SLC13A1: variants seen among roughly 807,000 people sequenced by gnomAD.
SLC13A1 encodes Na(+)/sulfate cotransporter.
A neutral mutation model predicts 70.0 loss-of-function variants in SLC13A1; 65 were observed. That is an observed-to-expected ratio of 0.93 (90% CI 0.76 to 1.14). SLC13A1 has a LOEUF of 1.14. Ranked by LOEUF, SLC13A1 falls within the 50% of genes most tolerant of loss-of-function variation. SLC13A1 has a pLI of 0.00. For synonymous variants in SLC13A1, 275 were observed against 250.5 expected, an observed-to-expected ratio of 1.10 and a Z score of -0.92; for missense variants, 726 against 717.8, an observed-to-expected ratio of 1.01 and a Z score of -0.13.
chr7:123,144,060 T>C (rs941390394), intron 7 of SLC13A1, among the ~76,000 whole-genome samples: 1 of 152,140 alleles, frequency 6.6e-6, no homozygotes, highest in Non-Finnish European at 1.5e-5. Flanking sequence ...AGAAAAGATG[T>C]CATATGTTGA....
At chr7:123,173,555 G>A (rs1022076677) in intron 2 of SLC13A1, among the ~76,000 whole-genome samples, 1 of 138,902 alleles carries the variant, frequency 7.2e-6, no homozygotes, top group African/African-American at 2.7e-5. Context: ...TCAAATATCA[G>A]GCCTTTCTAA....
chr7:123,122,172 T>C (rs148723955), intron 12 of SLC13A1, among the ~76,000 whole-genome samples: 4 of 152,000 alleles, frequency 2.6e-5, no homozygotes, highest in African/African-American at 9.6e-5. Flanking sequence ...TGCAGAAAAA[T>C]TGTCAATAAA....
At chr7:123,125,526 G>A (rs766398188) in intron 11 of SLC13A1, 43 bp downstream of exon 11, 2 of 1,387,924 alleles carry the variant, frequency 1.4e-6, no homozygotes, top group Non-Finnish European at 2.0e-6. Flanking sequence ...TGTAATTTTT[G>A]CTCTTCTGTT....
intron 7 of SLC13A1, among the ~76,000 whole-genome samples, chr7:123,146,720 A>G (rs1156282355): frequency 1.3e-5 from 2 of 152,134 alleles, no homozygotes; most frequent in African/African-American, 4.8e-5. Flanking sequence ...TCAATCTTTC[A>G]AATCTTTTTT....
intron 6 of SLC13A1, among the ~76,000 whole-genome samples, chr7:123,156,234 T>A (rs781014435): frequency 7.2e-4 from 110 of 152,174 alleles, no homozygotes; most frequent in Non-Finnish European, 1.5e-3. Flanking sequence ...ATGATTTTGC[T>A]GTCATGTCTT....
chr7:123,164,049 A>C (rs1188487703), intron 6 of SLC13A1, among the ~76,000 whole-genome samples: 1 of 152,042 alleles, frequency 6.6e-6, no homozygotes, highest in Admixed American at 6.6e-5. Context: ...AATAAAAATT[A>C]AGCAAATTAT....
intron 1 of SLC13A1, among the ~76,000 whole-genome samples, chr7:123,184,604 G>C (rs1481622126): frequency 6.6e-6 from 1 of 151,854 alleles, no homozygotes; most frequent in African/African-American, 2.4e-5. Context: ...TTTTATGGCT[G>C]AATAGTATTT....
intron 12 of SLC13A1, among the ~76,000 whole-genome samples, chr7:123,120,182 G>T (rs1793328344): frequency 6.6e-6 from 1 of 151,870 alleles, no homozygotes; most frequent in Admixed American, 6.6e-5. Context: ...ATAATATTAT[G>T]ACGTTCCTTC....
At chr7:123,123,904 T>A (rs1053079091) in intron 11 of SLC13A1, among the ~76,000 whole-genome samples, 1 of 152,154 alleles carries the variant, frequency 6.6e-6, no homozygotes, top group Non-Finnish European at 1.5e-5. Flanking sequence ...ATTTAACTTG[T>A]GTATAACAGG....
intron 6 of SLC13A1, among the ~76,000 whole-genome samples, chr7:123,155,517 C>T (rs1794680655): frequency 6.6e-6 from 1 of 151,932 alleles, no homozygotes. Context: ...CTGTTTCCCG[C>T]AAATTGCTCT....
At chr7:123,195,118 C>T (rs1796136957) in intron 1 of SLC13A1, among the ~76,000 whole-genome samples, 1 of 152,100 alleles carries the variant, frequency 6.6e-6, no homozygotes, top group Admixed American at 6.6e-5. Flanking sequence ...TGGCACAACA[C>T]TTTGGGCTGG....
Position 123,125,568 on chromosome 7 carries a change from C to A in SLC13A1, c.1240+1G>T. On this transcript the variant is annotated splice_donor_variant, in intron 11 of 14. Coordinates refer to ENST00000194130, the MANE Select transcript of SLC13A1 (RefSeq NM_022444.4). LOFTEE classifies it high-confidence loss of function. Reference sequence around the variant, plus strand: ...ATGCAGAATTATAAATGATACTCAACCAATTTCTCCTGTAGGTGTAGTTTT... The same window carrying A: ...ATGCAGAATTATAAATGATACTCAAACAATTTCTCCTGTAGGTGTAGTTTT... 6.3e-7 allele frequency: 1 copy of A among 1,592,628 alleles called. No homozygotes were observed. Among genetic ancestry groups the A allele is most frequent in the Non-Finnish European group, 8.6e-7 (1 of 1,167,244 alleles).
chr7:123,171,843 G>A lies in SLC13A1; in HGVS notation c.290C>T (p.Thr97Ile). ...GTGCAAATTCCATTTTTCTATGGAT[G>A]TTGCTAAACAGATAACTCCAATTAG... is the stretch of plus-strand genomic sequence containing the variant. ...LLLIGVICLATSIEKWNLHKR... is the reference protein window; with the variant it reads ...LLLIGVICLAISIEKWNLHKR... Residue 97 changes from threonine (T) to isoleucine (I), a missense_variant, in exon 3 of 15, where the codon ACA (threonine) becomes ATA (isoleucine). Physicochemically the swap from Thr to Ile is moderately conservative, Grantham distance 89. Transcript: ENST00000194130. 6.2e-7 allele frequency: 1 copy of A among 1,612,846 alleles called. No individual in the cohort carries two copies. The highest frequency in any genetic ancestry group is 1.1e-5 in the South Asian group (1 of 91,018).
chr7:123,147,238 C>A lies in SLC13A1; in HGVS notation c.733G>T (p.Ala245Ser), dbSNP rs1794387536. The A allele has an allele frequency of 6.2e-7, 1 of 1,613,516 alleles. No homozygotes were observed. Among genetic ancestry groups the A allele is most frequent in the African/African-American group, 1.3e-5 (1 of 74,892 alleles). ...VTRKLTCLCI[A>S]YSSTIGGLTT... The stretch of plus-strand genomic sequence containing the variant: ...AGTCCACCAATGGTAGAAGAGTAGG[C>A]AATGCACAAACACGTAAGTTTACGT... The change falls in exon 7 of 15, where the codon GCC becomes TCC. Residue 245 changes from alanine to serine, a missense_variant. Physicochemically the swap from Ala to Ser is moderately conservative, Grantham distance 99. Coordinates refer to ENST00000194130, the MANE Select transcript of SLC13A1 (RefSeq NM_022444.4).
chr7:123,128,167 G>A (rs1183349502), intron 10 of SLC13A1, among the ~76,000 whole-genome samples: 1 of 151,908 alleles, frequency 6.6e-6, no homozygotes, highest in Non-Finnish European at 1.5e-5. Context: ...CTATGAAATG[G>A]AGGCTGGGCT....
At chr7:123,187,565 G>C (rs1055232291) in intron 1 of SLC13A1, among the ~76,000 whole-genome samples, 1 of 152,102 alleles carries the variant, frequency 6.6e-6, no homozygotes, top group East Asian at 1.9e-4. Flanking sequence ...GTTAACTACT[G>C]TCTAGAATGT....
intron 6 of SLC13A1, chr7:123,148,328 C>T: frequency 6.0e-6 from 2 of 333,672 alleles, no homozygotes; most frequent in Non-Finnish European, 1.2e-5. Flanking sequence ...TTCAAATATC[C>T]TGGCCTCACA....
chr7:123,160,026 G>A (rs1245436630), intron 6 of SLC13A1, among the ~76,000 whole-genome samples: 1 of 152,032 alleles, frequency 6.6e-6, no homozygotes, highest in East Asian at 1.9e-4. Flanking sequence ...TGTCATGCCT[G>A]TAATCCCAGC....
intron 7 of SLC13A1, among the ~76,000 whole-genome samples, chr7:123,145,970 A>G (rs1472004778): frequency 6.6e-6 from 1 of 152,054 alleles, no homozygotes; most frequent in Non-Finnish European, 1.5e-5. Flanking sequence ...TTTTCTGTGA[A>G]CCCAAATCCT....
Sources: allele counts gnomAD v4.1 joint callset (sites outside exome capture counted in the v4.1 genomes callset), GRCh38; gene constraint gnomAD v4.1.1; transcripts MANE v1.5; gene names NCBI Gene and HGNC (gene_info 2026-07-23, HGNC 2026-07-21).